The following PCDHGB1 variants were observed in gnomAD, a reference collection of about 807,000 sequenced individuals.
The protein encoded by PCDHGB1 is protocadherin gamma subfamily B, 1.
Under a neutral mutation model 56.6 loss-of-function variants are expected in PCDHGB1, and 34 were observed. That is an observed-to-expected ratio of 0.60 (90% CI 0.46 to 0.80). The LOEUF (loss-of-function observed/expected upper bound fraction) is 0.80. Among genes scored for constraint, PCDHGB1 ranks in the 30% least tolerant of loss-of-function variants. PCDHGB1 has a pLI of 0.00. For missense variants in PCDHGB1, 1,278 were observed against 1,204.6 expected (o/e 1.06, Z -0.90); for synonymous variants, 561 against 505.9 (o/e 1.11, Z -1.46).
intron 1 of PCDHGB1, chr5:141,382,643 A>G (rs1179734699): frequency 2.5e-6 from 1 of 392,566 alleles, no homozygotes; most frequent in Non-Finnish European, 4.5e-6. Flanking sequence ...TGGTGCAGTA[A>G]CTTAGTAAGG....
Position 141,351,827 on chromosome 5 carries a change from G to T in PCDHGB1, c.1567G>T (p.Ala523Ser), listed in dbSNP as rs191017713. 84 of 1,613,198 alleles carry T rather than the reference G, an allele frequency of 5.2e-5. No homozygotes were observed. In the East Asian group the frequency reaches 5.8e-4, roughly 11 times the overall value. ...QRAFDHEQLR[A>S]FELTLQARDQ... The stretch of plus-strand genomic sequence containing the variant: ...CGCCTTCGACCACGAGCAGCTGCGC[G>T]CCTTCGAGCTCACACTGCAGGCCAG... The change falls in exon 1 of 4, where the codon GCC (alanine) becomes TCC (serine). Residue 523 changes from alanine (A) to serine (S), a missense_variant. By Grantham distance (99) the Ala-to-Ser change is moderately conservative. Coordinates refer to ENST00000523390, the MANE Select transcript of PCDHGB1 (RefSeq NM_018922.3).
rs757924501 is a variant in PCDHGB1, at chr5:141,490,548, A to G, written c.2410-4259A>G. 1.2e-6 allele frequency: 2 copies of G among 1,614,084 alleles called. No individual in the cohort carries two copies. Among genetic ancestry groups the G allele is most frequent in the South Asian group, 2.2e-5 (2 of 91,080 alleles). ...ATGCTGGTTCACCTTCCCTACACAA[A>G]CATCTCACCATCAGGCTCAACATTT... On this transcript the variant is annotated intron_variant, in intron 1 of 3. Transcript: ENST00000523390. This position sits in a 1 kb window ranked among gnomAD's most constrained non-coding sequence, Gnocchi z 5.4.
chr5:141,356,644 G>A, intron 1 of PCDHGB1: 10 of 1,614,084 alleles, frequency 6.2e-6, no homozygotes, highest in Non-Finnish European at 8.5e-6. Flanking sequence ...CCCTGACAGT[G>A]GTGACAATGC....
chr5:141,419,968 T>G lies in PCDHGB1; in HGVS notation c.2409+67299T>G, dbSNP rs766617414. ...CCTTGGCCTTGATTTCTGTGCTCTT[T>G]CTCCTCGCGGTGATTCTAGCTATTG... is the stretch of plus-strand genomic sequence containing the variant. On this transcript the variant is annotated intron_variant, in intron 1 of 3. Transcript: ENST00000523390. The G allele has an allele frequency of 6.2e-6, 10 of 1,614,036 alleles. No homozygotes were observed. The South Asian group carries it at 1.1e-4, about 18-fold the overall frequency.
At chr5:141,408,578 G>A (rs775312574) in intron 1 of PCDHGB1, 3 of 1,613,928 alleles carry the variant, frequency 1.9e-6, no homozygotes, top group African/African-American at 1.3e-5. Flanking sequence ...GATTGAGGAT[G>A]TTAATGACCA....
At position 141,365,595 on chromosome 5, in the gene PCDHGB1, T is replaced by A. The variant is rs746207657; in HGVS notation, c.2409+12926T>A. The stretch of plus-strand genomic sequence containing the variant: ...GAGACTTCAGATTATAATATCACTT[T>A]AACCGTCATGGACCATGGAACCCCG... On this transcript the variant is annotated intron_variant, in intron 1 of 3. Transcript: ENST00000523390. 1.9e-6 allele frequency: 3 copies of A among 1,613,672 alleles called. No homozygotes were observed. In the South Asian group the frequency reaches 3.3e-5, roughly 18 times the overall value.
chr5:141,372,851 T>C lies in PCDHGB1; in HGVS notation c.2409+20182T>C, dbSNP rs756598936. 24 of 1,459,588 alleles carry C rather than the reference T, an allele frequency of 1.6e-5. No individual in the cohort carries two copies. The South Asian group carries it at 3.2e-4, about 19-fold the overall frequency. The allele number at this position is 1,459,588 out of a possible 1,614,324, so 90.4% of individuals were successfully genotyped here. A position where few individuals can be genotyped will look rare whatever the true frequency, so the allele number is the denominator to read the frequency against. ...CTTTCCTTCCATAAATATAATTGGG[T>C]TTCAATTCATTGATTTAGAGATAAA... On this transcript the variant is annotated intron_variant, in intron 1 of 3. Coordinates refer to ENST00000523390, the MANE Select transcript of PCDHGB1 (RefSeq NM_018922.3).
At chr5:141,430,910 G>T in intron 1 of PCDHGB1, 2 of 1,608,040 alleles carry the variant, frequency 1.2e-6, no homozygotes, top group Middle Eastern at 1.7e-4. Context: ...CATCTCCAGG[G>T]ACCTGGGGCT....
intron 1 of PCDHGB1, among the ~76,000 whole-genome samples, chr5:141,452,094 G>A (rs760924457): frequency 6.6e-6 from 1 of 152,162 alleles, no homozygotes; most frequent in South Asian, 2.1e-4. Context: ...CAGTAAGAAA[G>A]AGCTTTCTTT....
chr5:141,501,182 C>A (rs531641143), intron 2 of PCDHGB1, among the ~76,000 whole-genome samples: 1 of 152,126 alleles, frequency 6.6e-6, no homozygotes, highest in Non-Finnish European at 1.5e-5. Context: ...TACATTTTAA[C>A]ACAATTAAAT....
chr5:141,418,504 A>T (rs761133198), intron 1 of PCDHGB1: 32 of 1,613,904 alleles, frequency 2.0e-5, no homozygotes, highest in Non-Finnish European at 2.7e-5. Context: ...TGACCGCCTT[A>T]GATGGTGGGG....
At chr5:141,471,571 A>G (rs1417147609) in intron 1 of PCDHGB1, 1 of 152,224 alleles carries the variant, frequency 6.6e-6, no homozygotes, top group African/African-American at 2.4e-5. Context: ...GGGTAGCAGT[A>G]GATAGGGTAA....
chr5:141,454,580 ATT>A (rs1392342692), intron 1 of PCDHGB1, among the ~76,000 whole-genome samples: 2 of 151,234 alleles, frequency 1.3e-5, no homozygotes, highest in Non-Finnish European at 2.9e-5. Context: ...CTAATTTTGT[ATT>A]TTTAGTAGAG....
Position 141,384,229 on chromosome 5 carries a change from G to A in PCDHGB1, c.2409+31560G>A, listed in dbSNP as rs571021830. The A allele has an allele frequency of 3.1e-6, 5 of 1,613,904 alleles. No individual in the cohort carries two copies. In the South Asian group the frequency reaches 5.5e-5, roughly 18 times the overall value. On this transcript the variant is annotated intron_variant, in intron 1 of 3. Transcript: ENST00000523390. The stretch of plus-strand genomic sequence containing the variant: ...AACTCACATATTCATGCAGGTGGCA[G>A]ACACCAACGATAACCCACCCACCTT...
rs1167812243 is a variant in PCDHGB1, at chr5:141,414,179, C to T, written c.2409+61510C>T. ...GATGGAGGAGCATATCTTGCAACTG[C>T]AAAAGTGTTGATTACAGTAGAAGAT... On this transcript the variant is annotated intron_variant, in intron 1 of 3. Transcript: ENST00000523390. 3 of 1,608,128 alleles carry T rather than the reference C, an allele frequency of 1.9e-6. No individual in the cohort carries two copies. In the South Asian group the frequency reaches 3.3e-5, roughly 18 times the overall value.
At position 141,431,421 on chromosome 5, in the gene PCDHGB1, T is replaced by A. The variant is rs2097372202; in HGVS notation, c.2410-63386T>A. On this transcript the variant is annotated intron_variant, in intron 1 of 3. Transcript: ENST00000523390. The surrounding 1 kb of genome is among the most constrained non-coding windows in gnomAD (Gnocchi z 4.8). The stretch of plus-strand genomic sequence containing the variant: ...ACGGCCTCCGACGGGGGCGACCCGG[T>A]GCGCACAGGCACCGCGCGCATCCGC... 1 of 1,613,580 alleles carries A rather than the reference T, an allele frequency of 6.2e-7. No individual in the cohort carries two copies. The highest frequency in any genetic ancestry group is 1.1e-5 in the South Asian group (1 of 91,082).
intron 1 of PCDHGB1, chr5:141,374,640 C>G: frequency 6.2e-7 from 1 of 1,612,778 alleles, no homozygotes; most frequent in African/African-American, 1.3e-5. Flanking sequence ...CAAAGCGAAG[C>G]CCATGGGCCC....
In PCDHGB1 at chr5:141,351,335, G is replaced by A. The variant is rs1758694543; in HGVS notation, c.1075G>A (p.Gly359Arg). The A allele has an allele frequency of 1.2e-6, 2 of 1,613,592 alleles. No individual in the cohort carries two copies. The highest frequency in any genetic ancestry group is 1.7e-6 in the Non-Finnish European group (2 of 1,179,694). Residue 359 changes from glycine (G) to arginine (R), a missense_variant, in exon 1 of 4, where the codon GGA (glycine) becomes AGA (arginine). Physicochemically the swap from Gly to Arg is moderately radical, Grantham distance 125 (BLOSUM62 -2). Coordinates refer to ENST00000523390, the MANE Select transcript of PCDHGB1 (RefSeq NM_018922.3). ...SNQIPEDSDLGTVIALIKVRD... is the reference protein window; with the variant it reads ...SNQIPEDSDLRTVIALIKVRD... Reference sequence around the variant, plus strand: ...CCAGATTCCAGAGGATTCAGACCTTGGAACTGTAATAGCCCTCATAAAAGT... The same window carrying A: ...CCAGATTCCAGAGGATTCAGACCTTAGAACTGTAATAGCCCTCATAAAAGT...
chr5:141,483,869 G>A (rs2099587910), intron 1 of PCDHGB1, among the ~76,000 whole-genome samples: 1 of 152,126 alleles, frequency 6.6e-6, no homozygotes, highest in South Asian at 2.1e-4. Flanking sequence ...GTCCAGATCA[G>A]GATGGATTTT....
Sources: allele counts gnomAD v4.1 joint callset (sites outside exome capture counted in the v4.1 genomes callset), GRCh38; gene constraint gnomAD v4.1.1; non-coding constraint Gnocchi (gnomAD v3.1); transcripts MANE v1.5; gene names NCBI Gene and HGNC (gene_info 2026-07-23, HGNC 2026-07-21).